Variants in FAT3 observed in about 807,000 individuals in gnomAD.
The protein encoded by FAT3 is FAT atypical cadherin 3, also known as protocadherin Fat 3.
In FAT3, 95 loss-of-function variants were observed where a neutral mutation model predicts 310.2. That is an observed-to-expected ratio of 0.31 (90% CI 0.26 to 0.36). The LOEUF is 0.36. Among genes scored for constraint, FAT3 ranks in the 10% least tolerant of loss-of-function variants. The probability of loss-of-function intolerance (pLI) is 1.00; values close to 1 mark genes in which losing one functional copy is unlikely to be tolerated. For synonymous variants in FAT3, 2,314 were observed against 2,192.9 expected (o/e 1.06, Z -1.54); for missense variants, 5,408 against 5,715.6 (o/e 0.95, Z 1.74).
chr11:92,786,474 A>G (rs1319048077), intron 7 of FAT3, among the ~76,000 whole-genome samples: 1 of 152,104 alleles, frequency 6.6e-6, no homozygotes, highest in Non-Finnish European at 1.5e-5. Context: ...AAGAAATGCA[A>G]ATGGATCTTA....
chr11:92,800,936 C>T lies in FAT3; in HGVS notation c.7923C>T (p.Ser2641=), dbSNP rs376936376. Residue 2641 remains serine, a synonymous_variant, in exon 10 of 28, where the codon AGC becomes AGT. Transcript: ENST00000525166. ...CAAGGATTACTTATTCCCTCTATAG[C>T]GAGGCCTCTGTTTCAGTGGCCGACC... ...ANSRITYSLY[S]EASVSVADLL... 103 of 1,612,498 alleles carry T rather than the reference C, an allele frequency of 6.4e-5. No homozygotes were observed. In the African/African-American group the frequency reaches 7.5e-4, roughly 12 times the overall value.
chr11:92,646,348 C>T (rs1476891990), intron 3 of FAT3, among the ~76,000 whole-genome samples: 1 of 152,142 alleles, frequency 6.6e-6, no homozygotes, highest in Non-Finnish European at 1.5e-5. Context: ...CTAAGAAGTC[C>T]AGAGAGAATG....
At chr11:92,487,939 G>A (rs1468608385) in intron 2 of FAT3, among the ~76,000 whole-genome samples, 1 of 152,202 alleles carries the variant, frequency 6.6e-6, no homozygotes, top group Non-Finnish European at 1.5e-5. Flanking sequence ...CCCTTGGTGT[G>A]CACACCTTGG....
At chr11:92,531,676 C>T (rs971925034) in intron 3 of FAT3, among the ~76,000 whole-genome samples, 1 of 151,948 alleles carries the variant, frequency 6.6e-6, no homozygotes, top group East Asian at 1.9e-4. Context: ...GATAACCAGC[C>T]TTCCTCTGGG....
chr11:92,891,339 G>T lies in FAT3; in HGVS notation c.*226G>T. On this transcript the variant is annotated 3_prime_UTR_variant, in exon 28 of 28. Coordinates refer to ENST00000525166, the MANE Select transcript of FAT3 (RefSeq NM_001367949.2). The stretch of plus-strand genomic sequence containing the variant: ...TTTTGAGAGGTGACTGGTAATCCTT[G>T]ATGTAGGTACCTATGTTCACAGCTA... 1 of 600,276 alleles carries T rather than the reference G, an allele frequency of 1.7e-6. No individual in the cohort carries two copies. The highest frequency in any genetic ancestry group is 2.9e-6 in the Non-Finnish European group (1 of 348,614). The allele number at this position is 600,276 out of a possible 1,614,324, so 37.2% of individuals were successfully genotyped here. A position where few individuals can be genotyped will look rare whatever the true frequency, so the allele number is the denominator to read the frequency against.
intron 2 of FAT3, among the ~76,000 whole-genome samples, chr11:92,482,461 A>G (rs1952254251): frequency 6.6e-6 from 1 of 152,110 alleles, no homozygotes; most frequent in Non-Finnish European, 1.5e-5. Flanking sequence ...TTACCACTGA[A>G]GAAAATAAGG....
chr11:92,349,770 C>G (rs1480516844), intron 1 of FAT3, among the ~76,000 whole-genome samples: 1 of 152,194 alleles, frequency 6.6e-6, no homozygotes. Flanking sequence ...TTTATAGACG[C>G]TTACTCCCTT....
At chr11:92,245,024 A>C (rs1864839468) in intron 1 of FAT3, among the ~76,000 whole-genome samples, 1 of 152,110 alleles carries the variant, frequency 6.6e-6, no homozygotes, top group South Asian at 2.1e-4. Flanking sequence ...TCATTCTACT[A>C]TAAAGATACA....
rs141245802 is a variant in FAT3 at position 92,838,194 on chromosome 11, G to T, written c.10368+388G>T. Among the ~76,000 whole-genome samples, 587 of 152,310 alleles carry T rather than the reference G, an allele frequency of 3.9e-3. 3 individuals carry two copies. Among genetic ancestry groups the T allele is most frequent in the African/African-American group, 0.013 (558 of 41,556 alleles). On this transcript the variant is annotated intron_variant, in intron 17 of 27. Transcript: ENST00000525166. ...GAACTTGGGGCTGTCTTCTGCAAAA[G>T]AATTCTCTTTCCCCAGTGGCAGGCT...
intron 2 of FAT3, among the ~76,000 whole-genome samples, chr11:92,423,707 A>G (rs1170936440): frequency 1.3e-5 from 2 of 152,174 alleles, no homozygotes; most frequent in Non-Finnish European, 2.9e-5. Context: ...GATTTAATTT[A>G]AAGAATTGGC....
intron 3 of FAT3, among the ~76,000 whole-genome samples, chr11:92,671,843 C>G (rs1943137628): frequency 6.6e-6 from 1 of 152,138 alleles, no homozygotes; most frequent in African/African-American, 2.4e-5. Context: ...CAGTGGCTTA[C>G]GCCTGTAATC....
rs555679368 is a variant in FAT3 at position 92,562,434 on chromosome 11, TA to T, written c.3607+37488del. On this transcript the variant is annotated intron_variant, in intron 3 of 27. Transcript: ENST00000525166. ...CCCAGTTACTCTGATGTAAATTTCT[TA>T]ACCTTGCTGAGCCTCAGTCTTCTTA... 7.2e-5 allele frequency among the ~76,000 whole-genome samples: 11 copies of T among 152,294 alleles called. No homozygotes were observed. The East Asian group carries it at 2.1e-3, about 29-fold the overall frequency.
chr11:92,327,803 G>A (rs1947805357), intron 1 of FAT3, among the ~76,000 whole-genome samples: 1 of 152,206 alleles, frequency 6.6e-6, no homozygotes, highest in South Asian at 2.1e-4. Context: ...AAACAAGGGG[G>A]ATAGTTTGCC....
At chr11:92,412,864 GC>G (rs1950327273) in intron 2 of FAT3, among the ~76,000 whole-genome samples, 1 of 150,438 alleles carries the variant, frequency 6.6e-6, no homozygotes, top group African/African-American at 2.4e-5. Flanking sequence ...ACACACACAT[GC>G]ACAGCCTTCC....
chr11:92,236,544 C>T (rs1864428249), intron 1 of FAT3, among the ~76,000 whole-genome samples: 1 of 152,206 alleles, frequency 6.6e-6, no homozygotes. Flanking sequence ...AAGGCTGTGT[C>T]TGTCTTTTAG....
At chr11:92,285,378 G>C (rs1336803054) in intron 1 of FAT3, among the ~76,000 whole-genome samples, 1 of 152,134 alleles carries the variant, frequency 6.6e-6, no homozygotes, top group Non-Finnish European at 1.5e-5. Context: ...TTATTATTTT[G>C]CTAAATGGTT....
intron 3 of FAT3, among the ~76,000 whole-genome samples, chr11:92,606,493 T>G (rs938779812): frequency 6.6e-6 from 1 of 152,172 alleles, no homozygotes; most frequent in African/African-American, 2.4e-5. Flanking sequence ...TGGGGCTGCT[T>G]CTGCTCTCCC....
intron 3 of FAT3, among the ~76,000 whole-genome samples, chr11:92,660,103 T>G (rs1942728265): frequency 6.6e-6 from 1 of 152,174 alleles, no homozygotes; most frequent in African/African-American, 2.4e-5. Context: ...TCTTTTTTTT[T>G]TCTTAAGCTA....
intron 9 of FAT3, among the ~76,000 whole-genome samples, chr11:92,794,519 G>C (rs1947119055): frequency 6.6e-6 from 1 of 152,096 alleles, no homozygotes; most frequent in African/African-American, 2.4e-5. Context: ...CTTTTAGATA[G>C]CCAGATAATG....
Sources: gnomAD v4.1 joint callset for allele counts (sites outside exome capture counted in the v4.1 genomes callset) on GRCh38, gnomAD v4.1.1 for gene constraint, MANE v1.5 for transcripts, NCBI Gene and HGNC (gene_info 2026-07-23, HGNC 2026-07-21) for gene names.